Variants in NIPAL2 observed in about 807,000 individuals in gnomAD.
NIPAL2 encodes the protein NIPA like domain containing 2, also known as NIPA-like protein 2.
NIPAL2 carries 43 observed loss-of-function variants against 48.9 expected under a neutral mutation model. The observed-to-expected ratio is 0.88, with a 90% CI of 0.69 to 1.13. The LOEUF is 1.13. Ranked by LOEUF, NIPAL2 falls within the 50% of genes most tolerant of loss-of-function variation. The probability of loss-of-function intolerance (pLI) is 0.00; values close to 1 mark genes in which losing one functional copy is unlikely to be tolerated. For synonymous variants in NIPAL2, 167 were observed against 174.6 expected, an observed-to-expected ratio of 0.96 and a Z score of 0.34; for missense variants, 446 against 461.4, an observed-to-expected ratio of 0.97 and a Z score of 0.31.
intron 1 of NIPAL2, among the ~76,000 whole-genome samples, chr8:98,280,225 A>G (rs1461546064): frequency 2.6e-5 from 4 of 152,182 alleles, no homozygotes; most frequent in Non-Finnish European, 5.9e-5. Context: ...CTGTCTTCAA[A>G]CCATAAATTC....
At chr8:98,270,202 G>C (rs370388166) in intron 1 of NIPAL2, among the ~76,000 whole-genome samples, 4 of 152,302 alleles carry the variant, frequency 2.6e-5, no homozygotes, top group Admixed American at 6.5e-5. Context: ...TATATACCCA[G>C]TAATGGGATT....
rs986980586 is a variant in NIPAL2, at chr8:98,279,852, C to T, written c.135+14151G>A. On this transcript the variant is annotated intron_variant, in intron 1 of 10. Coordinates refer to ENST00000430223, the MANE Select transcript of NIPAL2 (RefSeq NM_001321635.2). Reference sequence around the variant, plus strand: ...ACAGGAAGATGTCTTTAATTAATGTCTGCAGTGCTCACTGTTGTCACCACT... The same window carrying T: ...ACAGGAAGATGTCTTTAATTAATGTTTGCAGTGCTCACTGTTGTCACCACT... Among the ~76,000 whole-genome samples the T allele has an allele frequency of 3.3e-5, 5 of 152,230 alleles. No individual in the cohort carries two copies. The East Asian group carries it at 9.6e-4, about 29-fold the overall frequency.
chr8:98,217,416 C>T (rs1018183420), intron 5 of NIPAL2: 1 of 870,490 alleles, frequency 1.1e-6, no homozygotes, highest in Admixed American at 6.2e-5. Flanking sequence ...TTTGATCAGT[C>T]CCGAAAGCCA....
At chr8:98,277,536 C>CA (rs1010446703) in intron 1 of NIPAL2, among the ~76,000 whole-genome samples, 147 of 149,604 alleles carry the variant, frequency 9.8e-4, no homozygotes, top group African/African-American at 2.8e-3. Context: ...GAATCTGTCT[C>CA]AAAAAAAAAC....
chr8:98,245,289 A>T (rs16896848), intron 3 of NIPAL2, among the ~76,000 whole-genome samples: 3,830 of 152,326 alleles, frequency 0.025, 156 homozygotes, highest in African/African-American at 0.086. Context: ...CATAATTATC[A>T]TTCCCCGTTA....
At chr8:98,269,296 G>C (rs1162903224) in intron 1 of NIPAL2, among the ~76,000 whole-genome samples, 1 of 152,044 alleles carries the variant, frequency 6.6e-6, no homozygotes, top group Non-Finnish European at 1.5e-5. Flanking sequence ...AGATCCATCA[G>C]AGGAATCACT....
chr8:98,195,345 GAGC>G (rs1439142230), intron 9 of NIPAL2, among the ~76,000 whole-genome samples: 2 of 151,990 alleles, frequency 1.3e-5, no homozygotes, highest in Admixed American at 6.6e-5. Flanking sequence ...CTAGATCAAG[GAGC>G]AGCTAAACAT....
intron 1 of NIPAL2, among the ~76,000 whole-genome samples, chr8:98,280,062 A>G (rs1005787550): frequency 2.0e-5 from 3 of 152,248 alleles, no homozygotes; most frequent in Admixed American, 6.5e-5. Flanking sequence ...AGATATTTCA[A>G]ATTGACCTGT....
chr8:98,272,120 C>T (rs143469893), intron 1 of NIPAL2, among the ~76,000 whole-genome samples: 15 of 152,042 alleles, frequency 9.9e-5, no homozygotes, highest in Non-Finnish European at 2.1e-4. Context: ...GATTTGTATT[C>T]GCTTCCTATA....
intron 6 of NIPAL2, among the ~76,000 whole-genome samples, chr8:98,206,326 A>ATATGTATG (rs1554561622): frequency 4.6e-5 from 7 of 151,194 alleles, no homozygotes; most frequent in African/African-American, 1.2e-4. Context: ...GTATATATAT[A>ATATGTATG]TATGTATGTA....
chr8:98,222,910 G>A (rs758864047), intron 4 of NIPAL2, among the ~76,000 whole-genome samples: 8 of 152,310 alleles, frequency 5.3e-5, no homozygotes, highest in Non-Finnish European at 7.3e-5. Flanking sequence ...TATGTGCTAC[G>A]AAGACGTGAA....
chr8:98,263,297 A>T (rs1257091486), intron 1 of NIPAL2, among the ~76,000 whole-genome samples: 4 of 149,620 alleles, frequency 2.7e-5, no homozygotes, highest in African/African-American at 9.9e-5. Flanking sequence ...ACTGAAGGAA[A>T]TAGAGACACA....
Position 98,190,622 on chromosome 8 carries a change from CT to C in NIPAL2, c.*2355del, listed in dbSNP as rs1325665952. ...ACAGGCATGAGCCACCATGCCTGGC[CT>C]GTAAATAAAGTTTTACTGGAACACA... On this transcript the variant is annotated 3_prime_UTR_variant, in exon 11 of 11. Transcript: ENST00000430223. 6.6e-6 allele frequency: 1 copy of C among 152,256 alleles called. No homozygotes were observed. Among genetic ancestry groups the C allele is most frequent in the African/African-American group, 2.4e-5 (1 of 41,452 alleles). The allele number at this position is 152,256 out of a possible 1,614,324, so 9.4% of individuals were successfully genotyped here.
chr8:98,209,381 G>A lies in NIPAL2; in HGVS notation c.655+3024C>T, dbSNP rs986346327. On this transcript the variant is annotated intron_variant, in intron 6 of 10. Transcript: ENST00000430223. ...CCTAGCACTTTGGGAAGGTGAGGCA[G>A]GAGGATTGCTTGAGCCTAGGAGTTT... Among the ~76,000 whole-genome samples, 3 of 145,274 alleles carry A rather than the reference G, an allele frequency of 2.1e-5. No individual in the cohort carries two copies. The Admixed American group carries it at 2.2e-4, about 11-fold the overall frequency.
intron 2 of NIPAL2, among the ~76,000 whole-genome samples, 195 bp downstream of exon 2, chr8:98,253,821 CAGA>C (rs1270256814): frequency 3.9e-5 from 6 of 152,030 alleles, no homozygotes; most frequent in Non-Finnish European, 8.8e-5. Flanking sequence ...CTTTTAAAAT[CAGA>C]AGAAGAAGAG....
chr8:98,237,250 C>A (rs1483705925), intron 3 of NIPAL2, among the ~76,000 whole-genome samples: 3 of 151,940 alleles, frequency 2.0e-5, no homozygotes, highest in Non-Finnish European at 4.4e-5. Flanking sequence ...TGGGGTCTCA[C>A]TATGTTGCCC....
Position 98,193,024 on chromosome 8 carries a change from C to A in NIPAL2, c.1106G>T (p.Gly369Val). Residue 369 changes from glycine (G) to valine (V), a missense_variant, in exon 11 of 11, where the codon GGA (glycine) becomes GTA (valine). By Grantham distance (109) the Gly-to-Val change is moderately radical (BLOSUM62 -3). Transcript: ENST00000430223. ...HSLSYGTLPD[G>V]SDSTKSQSGE... ...ACTTTGGCTCTTTGTTGAGTCACTT[C>A]CATCAGGCAAAGTTCCATAGGATAA... 1 of 1,614,106 alleles carries A rather than the reference C, an allele frequency of 6.2e-7. No homozygotes were observed. The highest frequency in any genetic ancestry group is 8.5e-7 in the Non-Finnish European group (1 of 1,179,990).
Position 98,236,156 on chromosome 8 carries a change from G to T in NIPAL2, c.435C>A (p.Leu145=). The change falls in exon 4 of 11, where the codon CTC becomes CTA. Residue 145 remains leucine (L), a splice_region_variant and synonymous_variant. Coordinates refer to ENST00000430223, the MANE Select transcript of NIPAL2 (RefSeq NM_001321635.2). ...TACATGAATTAAATAATTACTTACCGAGTAAGTCTGAGGCTCTCAAATTGT... is the reference window on the plus strand; with the variant it reads ...TACATGAATTAAATAATTACTTACCTAGTAAGTCTGAGGCTCTCAAATTGT... The part of the protein sequence containing the change: ...LKDNLRASDL[L]GTTLAFAGTY... The T allele has an allele frequency of 6.4e-7, 1 of 1,571,298 alleles. No individual in the cohort carries two copies. Among genetic ancestry groups the T allele is most frequent in the Non-Finnish European group, 8.7e-7 (1 of 1,146,632 alleles).
intron 1 of NIPAL2, among the ~76,000 whole-genome samples, chr8:98,275,757 T>G (rs1815420699): frequency 6.6e-6 from 1 of 152,202 alleles, no homozygotes; most frequent in East Asian, 1.9e-4. Context: ...TTTATCTGCA[T>G]TCTTGACATA....
Sources: gnomAD v4.1 joint callset for allele counts (sites outside exome capture counted in the v4.1 genomes callset) on GRCh38, gnomAD v4.1.1 for gene constraint, MANE v1.5 for transcripts, NCBI Gene and HGNC (gene_info 2026-07-23, HGNC 2026-07-21) for gene names.